Variants in KSR2 observed in about 807,000 individuals in gnomAD.
KSR2 encodes the protein kinase suppressor of ras 2.
A neutral mutation model predicts 107.8 loss-of-function variants in KSR2; 25 were observed. The observed-to-expected ratio is 0.23, with a 90% confidence interval of 0.17 to 0.32. The LOEUF (loss-of-function observed/expected upper bound fraction) is 0.32. KSR2 is among the 10% of genes least tolerant of loss of function. The probability of loss-of-function intolerance (pLI) is 1.00; values close to 1 mark genes in which losing one functional copy is unlikely to be tolerated. For synonymous variants in KSR2, 480 were observed against 507.0 expected (o/e 0.95, Z 0.71); for missense variants, 887 against 1,268.9 (o/e 0.70, Z 4.57).
At chr12:117,950,659 T>C (rs1896332967) in intron 1 of KSR2, among the ~76,000 whole-genome samples, 1 of 150,970 alleles carries the variant, frequency 6.6e-6, no homozygotes, top group South Asian at 2.1e-4. Flanking sequence ...GAGGATCACT[T>C]GAGCCCGGGA....
At chr12:117,540,639 G>C (rs1017908061) in intron 9 of KSR2, among the ~76,000 whole-genome samples, 1 of 152,164 alleles carries the variant, frequency 6.6e-6, no homozygotes, top group African/African-American at 2.4e-5. Flanking sequence ...TCCTGGATTC[G>C]GGTGAGTCCT....
chr12:117,727,407 AAAG>A (rs893557114), intron 4 of KSR2, among the ~76,000 whole-genome samples: 2 of 151,780 alleles, frequency 1.3e-5, no homozygotes, highest in Admixed American at 6.6e-5. Context: ...GAAAAAGAAG[AAAG>A]AAGAAGGAGA....
chr12:117,455,056 G>GAGAGAGAA lies in KSR2; in HGVS notation c.*12142_*12143insTTCTCTCT, dbSNP rs1870538370. On this transcript the variant is annotated 3_prime_UTR_variant, in exon 20 of 20. Coordinates refer to ENST00000339824, the MANE Select transcript of KSR2 (RefSeq NM_173598.6). ...AGACAGAGAGAGAGAGAGAGAGAGA[G>GAGAGAGAA]AGAGAGAGAGAGAGAGGTCTGTAGA... The GAGAGAGAA allele has an allele frequency of 6.6e-6, 1 of 151,578 alleles. No individual in the cohort carries two copies. Among genetic ancestry groups the GAGAGAGAA allele is most frequent in the Non-Finnish European group, 1.5e-5 (1 of 68,096 alleles). The allele number at this position is 151,578 out of a possible 1,614,324, so 9.4% of individuals were successfully genotyped here. A position where few individuals can be genotyped will look rare whatever the true frequency, so the allele number is the denominator to read the frequency against.
At position 117,675,216 on chromosome 12, in the gene KSR2, C is replaced by T. The variant is rs374789129; in HGVS notation, c.987-7558G>A. On this transcript the variant is annotated intron_variant, in intron 4 of 19. Coordinates refer to ENST00000339824, the MANE Select transcript of KSR2 (RefSeq NM_173598.6). Reference sequence around the variant, plus strand: ...TCTCCCCTAGGGCCCATGCCCATCACACAAAAAGGGCCTGTATCCTCACCA... The same window carrying T: ...TCTCCCCTAGGGCCCATGCCCATCATACAAAAAGGGCCTGTATCCTCACCA... 6.6e-5 allele frequency among the ~76,000 whole-genome samples: 10 copies of T among 152,306 alleles called. No homozygotes were observed. In the East Asian group the frequency reaches 1.4e-3, roughly 21 times the overall value.
intron 5 of KSR2, among the ~76,000 whole-genome samples, chr12:117,591,601 A>T (rs1880321257): frequency 6.6e-6 from 1 of 152,026 alleles, no homozygotes. Context: ...AAGGGCTGGT[A>T]TGTGGCGGCT....
intron 4 of KSR2, among the ~76,000 whole-genome samples, chr12:117,673,648 C>T (rs961160737): frequency 6.6e-6 from 1 of 152,116 alleles, no homozygotes; most frequent in Non-Finnish European, 1.5e-5. Flanking sequence ...GTGGGATTCA[C>T]CTTTCCATCC....
chr12:117,581,074 G>A (rs915152715), intron 6 of KSR2, among the ~76,000 whole-genome samples: 2 of 152,178 alleles, frequency 1.3e-5, no homozygotes, highest in Non-Finnish European at 2.9e-5. Flanking sequence ...GACCATTGAC[G>A]TGTCTATCAC....
In KSR2 at chr12:117,860,360, C is replaced by A. The variant is rs369491651; in HGVS notation, c.252G>T (p.Ala84=). Residue 84 remains alanine, a synonymous_variant, in exon 2 of 20, where the codon GCG becomes GCT. Transcript: ENST00000339824. ...KKKVALQERN[A]ELDGFPQLRH... ...GTAGCTGGGGGAAGCCGTCCAGCTC[C>A]GCGTTGCGCTCCTGCAAGGCTACCT... The A allele has an allele frequency of 6.2e-7, 1 of 1,613,808 alleles. No homozygotes were observed. The highest frequency in any genetic ancestry group is 1.1e-5 in the South Asian group (1 of 91,066).
chr12:117,910,072 T>C (rs952006233), intron 1 of KSR2, among the ~76,000 whole-genome samples: 2 of 150,282 alleles, frequency 1.3e-5, no homozygotes, highest in African/African-American at 4.9e-5. Context: ...TGCAAAAAAA[T>C]AAGTATACAT....
chr12:117,954,695 T>A (rs1454624131), intron 1 of KSR2, among the ~76,000 whole-genome samples: 1 of 152,096 alleles, frequency 6.6e-6, no homozygotes, highest in Non-Finnish European at 1.5e-5. Context: ...GTGGGGATGA[T>A]CATCAAAAAT....
intron 3 of KSR2, among the ~76,000 whole-genome samples, chr12:117,848,805 C>T (rs1262964117): frequency 6.7e-6 from 1 of 148,508 alleles, no homozygotes; most frequent in African/African-American, 2.5e-5. Flanking sequence ...GTGGTAACAA[C>T]AGTGATGGTG....
chr12:117,946,714 A>T (rs1896190159), intron 1 of KSR2, among the ~76,000 whole-genome samples: 1 of 152,210 alleles, frequency 6.6e-6, no homozygotes, highest in Non-Finnish European at 1.5e-5. Context: ...AGACAAAAAA[A>T]ATTCTCAGCA....
intron 3 of KSR2, among the ~76,000 whole-genome samples, chr12:117,852,024 T>C (rs1280733446): frequency 6.6e-6 from 1 of 152,110 alleles, no homozygotes; most frequent in Non-Finnish European, 1.5e-5. Flanking sequence ...TAATTGTGTA[T>C]GTGTATGTGT....
intron 5 of KSR2, among the ~76,000 whole-genome samples, chr12:117,645,604 C>A (rs907165556): frequency 5.3e-5 from 8 of 152,194 alleles, no homozygotes; most frequent in African/African-American, 1.9e-4. Flanking sequence ...GTTCCTTGGG[C>A]AAACCTCAAT....
intron 3 of KSR2, among the ~76,000 whole-genome samples, chr12:117,838,709 C>A (rs1334563275): frequency 6.6e-6 from 1 of 152,208 alleles, no homozygotes; most frequent in Non-Finnish European, 1.5e-5. Context: ...AATGCCTCCC[C>A]AGCCTCTTCA....
At chr12:117,728,675 G>A (rs180697937) in intron 4 of KSR2, among the ~76,000 whole-genome samples, 41 of 152,284 alleles carry the variant, frequency 2.7e-4, no homozygotes, top group South Asian at 1.7e-3. Context: ...CGGCCGTGCC[G>A]CCCTCACCAC....
chr12:117,843,108 T>C (rs1421439794), intron 3 of KSR2, among the ~76,000 whole-genome samples: 1 of 152,204 alleles, frequency 6.6e-6, no homozygotes, highest in Non-Finnish European at 1.5e-5. Context: ...AGTGTTTATA[T>C]GACTTCATTT....
chr12:117,651,066 C>G (rs1296410526), intron 5 of KSR2, among the ~76,000 whole-genome samples: 1 of 152,128 alleles, frequency 6.6e-6, no homozygotes, highest in Non-Finnish European at 1.5e-5. Context: ...GTGGGAGGAC[C>G]CTGATGAAGC....
intron 14 of KSR2, among the ~76,000 whole-genome samples, chr12:117,520,144 A>G (rs1284869461): frequency 6.6e-6 from 1 of 152,136 alleles, no homozygotes; most frequent in East Asian, 1.9e-4. Flanking sequence ...AACCTACCAG[A>G]CTAGTATTTA....
Sources: allele counts gnomAD v4.1 joint callset (sites outside exome capture counted in the v4.1 genomes callset), GRCh38; gene constraint gnomAD v4.1.1; transcripts MANE v1.5; gene names NCBI Gene and HGNC (gene_info 2026-07-23, HGNC 2026-07-21).